The following BRINP3 variants were observed in gnomAD, a reference collection of about 807,000 sequenced individuals.
The protein encoded by BRINP3 is BMP/retinoic acid inducible neural specific 3, also known as BMP/retinoic acid-inducible neural-specific protein 3.
BRINP3 carries 19 observed loss-of-function variants against 71.0 expected under a neutral mutation model. That is an observed-to-expected ratio of 0.27 (90% CI 0.19 to 0.39). The LOEUF is 0.39. Ranked by LOEUF, BRINP3 falls within the 10% of genes least tolerant of loss-of-function variation. The pLI, the probability that BRINP3 is intolerant of heterozygous loss-of-function variation, is 1.00. For missense variants in BRINP3, 959 were observed against 940.8 expected, an observed-to-expected ratio of 1.02 and a Z score of -0.25; for synonymous variants, 380 against 337.7, an observed-to-expected ratio of 1.13 and a Z score of -1.37.
intron 2 of BRINP3, among the ~76,000 whole-genome samples, chr1:190,368,483 G>C (rs919182374): frequency 7.6e-6 from 1 of 131,744 alleles, no homozygotes; most frequent in Non-Finnish European, 1.8e-5. Flanking sequence ...CTTATACAAA[G>C]GCTAGGATGT....
At chr1:190,453,795 G>C (rs1675807708) in intron 2 of BRINP3, among the ~76,000 whole-genome samples, 1 of 152,088 alleles carries the variant, frequency 6.6e-6, no homozygotes, top group Non-Finnish European at 1.5e-5. Flanking sequence ...TATTTATATA[G>C]GAGTATCTAC....
chr1:190,181,448 T>C (rs1653023422), intron 6 of BRINP3, among the ~76,000 whole-genome samples: 1 of 152,050 alleles, frequency 6.6e-6, no homozygotes, highest in South Asian at 2.1e-4. Flanking sequence ...TCATTCCTTG[T>C]TTTTGCTTTC....
chr1:190,212,163 T>C (rs970108969), intron 6 of BRINP3, among the ~76,000 whole-genome samples: 2 of 152,108 alleles, frequency 1.3e-5, no homozygotes, highest in South Asian at 4.1e-4. Flanking sequence ...ATGTTATAAA[T>C]ACAAGCATGA....
chr1:190,296,167 TTTTA>T (rs1439017619), intron 2 of BRINP3, among the ~76,000 whole-genome samples: 1 of 151,780 alleles, frequency 6.6e-6, no homozygotes, highest in Admixed American at 6.6e-5. Context: ...ATTCTTGAAG[TTTTA>T]CAGTTTCATG....
At chr1:190,316,107 T>C (rs1179013807) in intron 2 of BRINP3, among the ~76,000 whole-genome samples, 1 of 148,034 alleles carries the variant, frequency 6.8e-6, no homozygotes, top group Non-Finnish European at 1.5e-5. Context: ...CCAGAATGAC[T>C]GAGAGGTCAG....
At chr1:190,197,681 A>C (rs1200574999) in intron 6 of BRINP3, among the ~76,000 whole-genome samples, 1 of 152,124 alleles carries the variant, frequency 6.6e-6, no homozygotes. Flanking sequence ...GGGCTCCCAT[A>C]GCCTTGGGCA....
At chr1:190,223,952 T>A (rs1657107300) in intron 6 of BRINP3, among the ~76,000 whole-genome samples, 1 of 151,634 alleles carries the variant, frequency 6.6e-6, no homozygotes, top group Non-Finnish European at 1.5e-5. Flanking sequence ...AAGATCTATA[T>A]AAGAAAAACT....
chr1:190,446,788 C>T (rs940325169), intron 2 of BRINP3, among the ~76,000 whole-genome samples: 2 of 151,780 alleles, frequency 1.3e-5, no homozygotes, highest in Admixed American at 6.6e-5. Flanking sequence ...TGGTTTTTGT[C>T]AAAGACAGAA....
chr1:190,293,493 CA>C (rs1224153581), intron 2 of BRINP3, among the ~76,000 whole-genome samples: 3 of 150,512 alleles, frequency 2.0e-5, no homozygotes, highest in African/African-American at 7.5e-5. Context: ...GTTTATTCTG[CA>C]GCAGTTTGAG....
At chr1:190,443,127 G>T (rs1674947547) in intron 2 of BRINP3, among the ~76,000 whole-genome samples, 1 of 151,990 alleles carries the variant, frequency 6.6e-6, no homozygotes, top group Admixed American at 6.6e-5. Context: ...AGGCCAGAAT[G>T]ATATCAAACT....
At chr1:190,409,503 T>C (rs1016229916) in intron 2 of BRINP3, among the ~76,000 whole-genome samples, 1 of 152,128 alleles carries the variant, frequency 6.6e-6, no homozygotes, top group Non-Finnish European at 1.5e-5. Context: ...TTTACACATC[T>C]AACAAATTTA....
chr1:190,278,906 T>C (rs754115062), intron 3 of BRINP3, among the ~76,000 whole-genome samples: 1 of 150,456 alleles, frequency 6.6e-6, no homozygotes. Flanking sequence ...AAGGCCAAAA[T>C]GTGGCATCCA....
chr1:190,220,922 T>C (rs1320773927), intron 6 of BRINP3, among the ~76,000 whole-genome samples: 1 of 152,132 alleles, frequency 6.6e-6, no homozygotes, highest in African/African-American at 2.4e-5. Flanking sequence ...TCTTGTAACC[T>C]CATATGAAGC....
intron 6 of BRINP3, among the ~76,000 whole-genome samples, chr1:190,173,085 T>C (rs971546397): frequency 6.6e-6 from 1 of 152,190 alleles, no homozygotes; most frequent in Non-Finnish European, 1.5e-5. Context: ...ATCCCTTGTT[T>C]CTATCATACT....
chr1:190,102,798 G>A (rs927196578), intron 7 of BRINP3, among the ~76,000 whole-genome samples: 3 of 151,910 alleles, frequency 2.0e-5, no homozygotes, highest in African/African-American at 7.2e-5. Context: ...TTATCTATAA[G>A]GAAGAGTTTA....
At chr1:190,129,392 T>C (rs1210789408) in intron 7 of BRINP3, among the ~76,000 whole-genome samples, 1 of 151,924 alleles carries the variant, frequency 6.6e-6, no homozygotes, top group Non-Finnish European at 1.5e-5. Flanking sequence ...ACATTTTTGG[T>C]CATCTACATG....
chr1:190,228,972 T>C (rs887725749), intron 5 of BRINP3, among the ~76,000 whole-genome samples: 5 of 152,002 alleles, frequency 3.3e-5, no homozygotes, highest in Non-Finnish European at 5.9e-5. Flanking sequence ...GAGTAAAATA[T>C]GAATGTTTCC....
intron 2 of BRINP3, among the ~76,000 whole-genome samples, chr1:190,351,710 A>C (rs893166405): frequency 1.3e-5 from 2 of 152,132 alleles, no homozygotes; most frequent in Non-Finnish European, 2.9e-5. Context: ...TCATAGATTC[A>C]TGCAGTTTGG....
chr1:190,109,858 C>T (rs1489564740), intron 7 of BRINP3, among the ~76,000 whole-genome samples: 1 of 152,192 alleles, frequency 6.6e-6, no homozygotes, highest in Non-Finnish European at 1.5e-5. Context: ...CTGAGAGTTA[C>T]ACTATTGGCT....
Sources: gnomAD v4.1 joint callset for allele counts (sites outside exome capture counted in the v4.1 genomes callset) on GRCh38, gnomAD v4.1.1 for gene constraint, MANE v1.5 for transcripts, NCBI Gene and HGNC (gene_info 2026-07-23, HGNC 2026-07-21) for gene names.